BLTP1: variants seen among roughly 807,000 people sequenced by gnomAD.
The protein encoded by BLTP1 is bridge-like lipid transfer protein family member 1.
At chr4:122,235,455 A>G in the BLTP1 span, 1 of 973,148 alleles carries the variant, frequency 1.0e-6, no homozygotes, top group Non-Finnish European at 1.2e-6. Flanking sequence ...TTTGCAGAAT[A>G]GTTTCCTTAT....
the BLTP1 span, chr4:122,360,141 A>G: frequency 2.9e-6 from 2 of 695,436 alleles, no homozygotes; most frequent in Non-Finnish European, 3.5e-6. Flanking sequence ...CTTGCTGTAT[A>G]TATGTCATAA....
the BLTP1 span, chr4:122,315,821 G>A: frequency 2.6e-6 from 2 of 765,504 alleles, no homozygotes; most frequent in South Asian, 3.5e-5. Flanking sequence ...GGTTCACTGT[G>A]TCTACATTTC....
chr4:122,267,596 T>C, the BLTP1 span: 1 of 970,862 alleles, frequency 1.0e-6, no homozygotes, highest in East Asian at 1.1e-4. Flanking sequence ...GGGTTCTGGG[T>C]TGACGTGTCA....
chr4:122,258,261 T>C, the BLTP1 span, among the ~76,000 whole-genome samples: 932 of 152,326 alleles, frequency 6.1e-3, 10 homozygotes, highest in East Asian at 0.044. Context: ...AACATTGATA[T>C]ATAAAACTTT....
At chr4:122,312,897 A>T in the BLTP1 span, 1 of 866,500 alleles carries the variant, frequency 1.2e-6, no homozygotes, top group Non-Finnish European at 1.4e-6. Flanking sequence ...GTTTAAATTG[A>T]TATTTAGTTT....
the BLTP1 span, chr4:122,331,249 A>G: frequency 0.012 from 17,779 of 1,490,932 alleles, 324 homozygotes; most frequent in African/African-American, 0.081. Context: ...TGTTGCTCAC[A>G]TAACATGTTG....
chr4:122,243,530 C>T, the BLTP1 span: 11 of 675,286 alleles, frequency 1.6e-5, no homozygotes, highest in Non-Finnish European at 2.0e-5. Flanking sequence ...CACTTGAGGT[C>T]AGGAATTCGA....
chr4:122,331,626 C>G, the BLTP1 span: 1 of 1,473,956 alleles, frequency 6.8e-7, no homozygotes. Context: ...ACAAACTTCT[C>G]CATCCCAAAA....
chr4:122,207,783 C>A, the BLTP1 span: 1 of 1,043,826 alleles, frequency 9.6e-7, no homozygotes. Context: ...CCTTTAGTGT[C>A]ACAGAGTTCC....
the BLTP1 span, chr4:122,255,110 A>C: frequency 6.3e-7 from 1 of 1,591,238 alleles, no homozygotes; most frequent in African/African-American, 1.3e-5. Flanking sequence ...CTCTAAATCT[A>C]TTGTTGTTTC....
At chr4:122,345,337 T>C in the BLTP1 span, among the ~76,000 whole-genome samples, 1 of 152,062 alleles carries the variant, frequency 6.6e-6, no homozygotes, top group East Asian at 1.9e-4. Context: ...AGGCTTCACA[T>C]AGGAAATGTT....
chr4:122,279,898 T>C, the BLTP1 span: 1 of 1,614,156 alleles, frequency 6.2e-7, no homozygotes, highest in East Asian at 2.2e-5. Context: ...CTCAGCACCC[T>C]GCCACCTTAC....
chr4:122,279,716 A>C, the BLTP1 span: 1 of 1,527,450 alleles, frequency 6.5e-7, no homozygotes, highest in Non-Finnish European at 8.8e-7. Context: ...TATTTTTTCA[A>C]AATTTCTCTT....
At chr4:122,344,591 A>G in the BLTP1 span, 14 of 1,477,794 alleles carry the variant, frequency 9.5e-6, no homozygotes, top group South Asian at 1.4e-4. Flanking sequence ...TTAAATTAAA[A>G]TACTGTTTTC....
the BLTP1 span, among the ~76,000 whole-genome samples, chr4:122,217,199 C>G: frequency 3.9e-5 from 6 of 152,050 alleles, no homozygotes; most frequent in African/African-American, 1.4e-4. Context: ...CTATTCTGTT[C>G]CATTGGTCTG....
the BLTP1 span, among the ~76,000 whole-genome samples, chr4:122,190,923 T>C: frequency 5.9e-5 from 9 of 152,192 alleles, no homozygotes; most frequent in Non-Finnish European, 1.0e-4. Context: ...TATTTGCCTT[T>C]TCACCATGTT....
At chr4:122,162,326 G>T in the BLTP1 span, among the ~76,000 whole-genome samples, 1 of 152,146 alleles carries the variant, frequency 6.6e-6, no homozygotes, top group Admixed American at 6.5e-5. Flanking sequence ...ATGTTATATG[G>T]ATATATTCCA....
At chr4:122,330,445 A>G in the BLTP1 span, among the ~76,000 whole-genome samples, 2 of 151,218 alleles carry the variant, frequency 1.3e-5, no homozygotes, top group Non-Finnish European at 2.9e-5. Flanking sequence ...GTCATATTTC[A>G]TTGTGGTTTT....
chr4:122,359,484 G>A, the BLTP1 span: 5 of 1,529,540 alleles, frequency 3.3e-6, no homozygotes, highest in Non-Finnish European at 4.4e-6. Context: ...AATGAGAAAT[G>A]AAACCAATTC....
Sources: gnomAD v4.1 joint callset for allele counts (sites outside exome capture counted in the v4.1 genomes callset) on GRCh38, gnomAD v4.1.1 for gene constraint, MANE v1.5 for transcripts, NCBI Gene and HGNC (gene_info 2026-07-23, HGNC 2026-07-21) for gene names.